KLHL1: variants seen among roughly 807,000 people sequenced by gnomAD.
KLHL1 encodes the protein kelch-like protein 1.
A neutral mutation model predicts 77.7 loss-of-function variants in KLHL1; 47 were observed. The ratio of observed to expected loss-of-function variants is 0.60; its 90% confidence interval spans 0.48 to 0.77. The LOEUF is 0.77. Ranked by LOEUF, KLHL1 falls within the 30% of genes least tolerant of loss-of-function variation. The pLI is 0.00. For missense variants in KLHL1, 925 were observed against 910.8 expected (o/e 1.02, Z -0.20); for synonymous variants, 360 against 325.2 (o/e 1.11, Z -1.15).
intron 7 of KLHL1, among the ~76,000 whole-genome samples, chr13:69,773,539 A>G (rs1038708041): frequency 6.6e-6 from 1 of 152,006 alleles, no homozygotes; most frequent in Non-Finnish European, 1.5e-5. Context: ...GAACATGTAG[A>G]ATTGCTAATC....
rs988830315 is a variant in KLHL1, at chr13:69,878,711, T to TAG, written c.1227+3570_1227+3571dup. Among the ~76,000 whole-genome samples, 876 of 143,544 alleles carry TAG rather than the reference T, an allele frequency of 6.1e-3. 8 individuals are homozygous for TAG. Among genetic ancestry groups the TAG allele is most frequent in the African/African-American group, 0.018 (692 of 38,394 alleles). 94.2% of individuals were successfully genotyped at this position (143,544 alleles called of 152,430 possible). On this transcript the variant is annotated intron_variant, in intron 5 of 10. Transcript: ENST00000377844. ...ATGTGTGTATGCATATATATATATATAGAGAGAGAGAGAGAGAGAGAGAGT... is the reference window on the plus strand; with the variant it reads ...ATGTGTGTATGCATATATATATATATAGAGAGAGAGAGAGAGAGAGAGAGAGT...
At chr13:70,057,488 A>AAAG (rs1886770483) in intron 1 of KLHL1, among the ~76,000 whole-genome samples, 1 of 148,570 alleles carries the variant, frequency 6.7e-6, no homozygotes, top group African/African-American at 2.4e-5. Context: ...AAAAAAAAAA[A>AAAG]AAAAGAGGCC....
intron 9 of KLHL1, among the ~76,000 whole-genome samples, chr13:69,712,749 G>C (rs1424310): frequency 0.75 from 104,529 of 139,558 alleles, 39,814 homozygotes; most frequent in East Asian, 0.99. Context: ...TATAAATTTT[G>C]TTTGTTTTTT....
intron 1 of KLHL1, among the ~76,000 whole-genome samples, chr13:70,081,179 C>T (rs1663084077): frequency 6.6e-6 from 1 of 152,150 alleles, no homozygotes; most frequent in Non-Finnish European, 1.5e-5. Context: ...AACTGAAAGC[C>T]CCATGTCTTG....
At chr13:69,857,375 C>T (rs1227482089) in intron 5 of KLHL1, among the ~76,000 whole-genome samples, 2 of 152,036 alleles carry the variant, frequency 1.3e-5, no homozygotes, top group Non-Finnish European at 2.9e-5. Context: ...CTCAAATTTA[C>T]CTTCAACATG....
intron 1 of KLHL1, among the ~76,000 whole-genome samples, chr13:70,063,519 A>C: frequency 6.6e-6 from 1 of 152,072 alleles, no homozygotes; most frequent in East Asian, 1.9e-4. Flanking sequence ...TTGTTATTTA[A>C]AATTATAATC....
At chr13:70,075,763 A>ATATATATATATACATATATATG in intron 1 of KLHL1, among the ~76,000 whole-genome samples, 1 of 145,178 alleles carries the variant, frequency 6.9e-6, no homozygotes, top group African/African-American at 2.5e-5. Flanking sequence ...ACACACACAT[A>ATATATATATATACATATATATG]TATATATATA....
intron 1 of KLHL1, among the ~76,000 whole-genome samples, chr13:69,984,479 C>T (rs1158463940): frequency 6.6e-6 from 1 of 152,070 alleles, no homozygotes; most frequent in African/African-American, 2.4e-5. Context: ...AAACTGTTTG[C>T]ATAATAAAAG....
intron 6 of KLHL1, among the ~76,000 whole-genome samples, chr13:69,827,727 C>T (rs1369103231): frequency 1.9e-5 from 2 of 104,774 alleles, no homozygotes; most frequent in South Asian, 2.8e-4. Context: ...GAGACCCTGT[C>T]TCAAAAAAAA....
intron 5 of KLHL1, among the ~76,000 whole-genome samples, chr13:69,841,818 A>G (rs1879272276): frequency 6.6e-6 from 1 of 151,666 alleles, no homozygotes; most frequent in East Asian, 1.9e-4. Context: ...CCCAAGCAGC[A>G]CGGTATTTCT....
chr13:69,719,162 A>C (rs961595288), intron 9 of KLHL1, among the ~76,000 whole-genome samples: 1 of 151,664 alleles, frequency 6.6e-6, no homozygotes, highest in Non-Finnish European at 1.5e-5. Flanking sequence ...GAATAAAAGA[A>C]TAAGAAAATA....
intron 1 of KLHL1, among the ~76,000 whole-genome samples, chr13:69,989,940 G>A (rs1426433735): frequency 1.3e-5 from 2 of 151,872 alleles, no homozygotes; most frequent in Non-Finnish European, 2.9e-5. Flanking sequence ...CTTCCTATTT[G>A]GATGCCTTTT....
At chr13:69,972,499 T>A (rs1884415219) in intron 2 of KLHL1, among the ~76,000 whole-genome samples, 1 of 151,866 alleles carries the variant, frequency 6.6e-6, no homozygotes, top group Non-Finnish European at 1.5e-5. Flanking sequence ...GCATGCTTGC[T>A]GTAAAAATTT....
At chr13:70,019,558 C>G (rs115046942) in intron 1 of KLHL1, among the ~76,000 whole-genome samples, 2,561 of 152,246 alleles carry the variant, frequency 0.017, 66 homozygotes, top group African/African-American at 0.057. Context: ...GCCAGACGAT[C>G]TGCTAAATTA....
chr13:69,774,985 A>T (rs1593816722), intron 7 of KLHL1, among the ~76,000 whole-genome samples: 1 of 152,184 alleles, frequency 6.6e-6, no homozygotes, highest in African/African-American at 2.4e-5. Context: ...GTGGAAGGGG[A>T]AATGCTTTTT....
intron 4 of KLHL1, among the ~76,000 whole-genome samples, chr13:69,915,212 T>C (rs921957489): frequency 3.3e-5 from 5 of 152,286 alleles, no homozygotes; most frequent in Admixed American, 2.6e-4. Context: ...AAGCTACCAA[T>C]GACTTTCTTC....
intron 2 of KLHL1, among the ~76,000 whole-genome samples, chr13:69,975,197 A>C (rs571592573): frequency 2.9e-4 from 44 of 152,034 alleles, no homozygotes; most frequent in Non-Finnish European, 5.4e-4. Context: ...GTTGATATAA[A>C]TATATAGCCA....
Position 69,716,287 on chromosome 13 carries a change from G to C in KLHL1, c.2015+3082C>G, listed in dbSNP as rs113073241. 2.0e-3 allele frequency among the ~76,000 whole-genome samples: 307 copies of C among 152,118 alleles called. 2 individuals are homozygous for C. Among genetic ancestry groups the C allele is most frequent in the African/African-American group, 7.1e-3 (294 of 41,516 alleles). On this transcript the variant is annotated intron_variant, in intron 9 of 10. Coordinates refer to ENST00000377844, the MANE Select transcript of KLHL1 (RefSeq NM_020866.3). ...GGTTCATTTTTCTTAGTGTCTGACT[G>C]ATTCAATACATTCTTGTTATGTGCC...
At chr13:69,905,892 A>G (rs1011895465) in intron 4 of KLHL1, among the ~76,000 whole-genome samples, 6 of 152,072 alleles carry the variant, frequency 3.9e-5, no homozygotes, top group Admixed American at 3.9e-4. Flanking sequence ...TGGATGAAAT[A>G]AGTCAAAGTT....
Sources: gnomAD v4.1 joint callset for allele counts (sites outside exome capture counted in the v4.1 genomes callset) on GRCh38, gnomAD v4.1.1 for gene constraint, MANE v1.5 for transcripts, NCBI Gene and HGNC (gene_info 2026-07-23, HGNC 2026-07-21) for gene names.